SPECC1L: variants seen among roughly 807,000 people sequenced by gnomAD.
SPECC1L encodes the protein sperm antigen with calponin homology and coiled-coil domains 1 like.
Under a neutral mutation model 116.8 loss-of-function variants are expected in SPECC1L, and 40 were observed. The observed-to-expected ratio is 0.34, with a 90% CI of 0.27 to 0.45. The LOEUF (loss-of-function observed/expected upper bound fraction) is 0.45. Among genes scored for constraint, SPECC1L ranks in the 20% least tolerant of loss-of-function variants. The probability of loss-of-function intolerance (pLI) is 1.00; values close to 1 mark genes in which losing one functional copy is unlikely to be tolerated. For missense variants in SPECC1L, 1,110 were observed against 1,373.6 expected (o/e 0.81, Z 3.03); for synonymous variants, 504 against 500.6 (o/e 1.01, Z -0.09).
chr22:24,392,660 C>G (rs569790302), intron 14 of SPECC1L, among the ~76,000 whole-genome samples: 2 of 152,288 alleles, frequency 1.3e-5, no homozygotes, highest in Admixed American at 1.3e-4. Flanking sequence ...AAACTAGTTT[C>G]CTTTCTGAAT....
At chr22:24,369,352 T>C in intron 14 of SPECC1L, 32 bp downstream of exon 14, 1 of 1,536,776 alleles carries the variant, frequency 6.5e-7, no homozygotes. Context: ...CCCATGTGAG[T>C]AATTGGCAAA....
intron 12 of SPECC1L, 38 bp downstream of exon 12, chr22:24,363,382 T>G: frequency 1.3e-6 from 2 of 1,553,264 alleles, no homozygotes; most frequent in East Asian, 2.2e-5. Context: ...GTATTTGTTG[T>G]TTTTTAGAGA....
chr22:24,411,804 T>C, intron 15 of SPECC1L, 100 bp downstream of exon 15: 1 of 988,224 alleles, frequency 1.0e-6, no homozygotes, highest in Non-Finnish European at 1.6e-6. Context: ...GCCACAGCGC[T>C]GGCTTGCGAT....
intron 14 of SPECC1L, among the ~76,000 whole-genome samples, chr22:24,396,168 A>T (rs1254008753): frequency 6.6e-6 from 1 of 152,182 alleles, no homozygotes; most frequent in African/African-American, 2.4e-5. Context: ...TTTTTCTTTC[A>T]ATGCTCTAAA....
chr22:24,274,073 G>T (rs913760823), intron 1 of SPECC1L, among the ~76,000 whole-genome samples: 1 of 152,128 alleles, frequency 6.6e-6, no homozygotes, highest in Non-Finnish European at 1.5e-5. Context: ...AGATTTTTTT[G>T]TGTTGTGCCA....
At position 24,417,525 on chromosome 22, in the gene SPECC1L, C is replaced by T. The variant is rs1274095897; in HGVS notation, c.*2902C>T. 6.6e-6 allele frequency: 1 copy of T among 152,284 alleles called. No individual in the cohort carries two copies. Among genetic ancestry groups the T allele is most frequent in the Non-Finnish European group, 1.5e-5 (1 of 68,124 alleles). 9.4% of individuals were successfully genotyped at this position (152,284 alleles called of 1,614,324 possible). ...AGGGTTCTGTGACAGATGCCAAGAC[C>T]CCAGAGACCGTGGCAGAGCTACCCC... On this transcript the variant is annotated 3_prime_UTR_variant, in exon 17 of 17. Coordinates refer to ENST00000314328, the MANE Select transcript of SPECC1L (RefSeq NM_015330.6).
chr22:24,309,708 A>G (rs137912974), intron 3 of SPECC1L, among the ~76,000 whole-genome samples: 10 of 152,290 alleles, frequency 6.6e-5, no homozygotes, highest in Middle Eastern at 3.4e-3. Context: ...CTGAAGTTCA[A>G]TATTTGCATA....
chr22:24,306,306 CA>C (rs2049495915), intron 3 of SPECC1L, among the ~76,000 whole-genome samples: 2 of 151,450 alleles, frequency 1.3e-5, no homozygotes, highest in African/African-American at 4.8e-5. Context: ...TTTTTTTTTC[CA>C]AACTTTTTTT....
chr22:24,338,271 C>A, intron 9 of SPECC1L, 115 bp from the exon 10 acceptor site: 1 of 982,934 alleles, frequency 1.0e-6, no homozygotes, highest in Non-Finnish European at 1.6e-6. Flanking sequence ...TCAGCCAAGA[C>A]AGTGTCCAGC....
At chr22:24,348,960 G>A (rs1452644893) in intron 11 of SPECC1L, among the ~76,000 whole-genome samples, 1 of 152,062 alleles carries the variant, frequency 6.6e-6, no homozygotes, top group Admixed American at 6.6e-5. Flanking sequence ...CATTCTTTTT[G>A]GTTTCCCTAA....
At chr22:24,413,219 A>G (rs572984694) in intron 16 of SPECC1L, among the ~76,000 whole-genome samples, 1 of 152,170 alleles carries the variant, frequency 6.6e-6, no homozygotes. Flanking sequence ...CGCCACTCAC[A>G]GGACAGAAGT....
At position 24,313,437 on chromosome 22, in the gene SPECC1L, C is replaced by A. The variant is rs1468808213; in HGVS notation, c.278C>A (p.Thr93Asn). 6.2e-7 allele frequency: 1 copy of A among 1,614,148 alleles called. No homozygotes were observed. Among genetic ancestry groups the A allele is most frequent in the Admixed American group, 1.7e-5 (1 of 60,022 alleles). Reference protein sequence around the residue: ...APSASAPAMTTVENKSKISTG... With the variant: ...APSASAPAMTNVENKSKISTG... ...TCAGCATCTGCCCCTGCCATGACCA[C>A]CGTGGAGAACAAATCCAAGATTAGC... The change falls in exon 4 of 17, where the codon ACC becomes AAC. Residue 93 changes from threonine (T) to asparagine (N), a missense_variant. Physicochemically the swap from Thr to Asn is moderately conservative, Grantham distance 65. Transcript: ENST00000314328.
At chr22:24,336,765 A>G (rs976610911) in intron 9 of SPECC1L, among the ~76,000 whole-genome samples, 2 of 152,174 alleles carry the variant, frequency 1.3e-5, no homozygotes, top group Non-Finnish European at 2.9e-5. Flanking sequence ...TGACCCAGCA[A>G]TTCTACTCCT....
intron 1 of SPECC1L, among the ~76,000 whole-genome samples, chr22:24,274,730 A>G (rs1272738179): frequency 1.3e-5 from 2 of 152,216 alleles, no homozygotes; most frequent in Non-Finnish European, 2.9e-5. Flanking sequence ...TAATCTGTTC[A>G]CAATCACTTT....
intron 2 of SPECC1L, among the ~76,000 whole-genome samples, chr22:24,295,368 A>G (rs2049239472): frequency 1.3e-5 from 2 of 150,028 alleles, no homozygotes; most frequent in Non-Finnish European, 1.5e-5. Context: ...TCAATAATTT[A>G]TTTTAGACTC....
intron 1 of SPECC1L, among the ~76,000 whole-genome samples, chr22:24,275,855 C>T (rs1489669719): frequency 6.6e-5 from 10 of 152,084 alleles, no homozygotes; most frequent in East Asian, 1.9e-4. Flanking sequence ...ACTGCAGGCC[C>T]GCACCAGCAC....
At chr22:24,342,292 A>G (rs2041192626) in intron 10 of SPECC1L, among the ~76,000 whole-genome samples, 1 of 152,212 alleles carries the variant, frequency 6.6e-6, no homozygotes, top group African/African-American at 2.4e-5. Context: ...TGATAGGATT[A>G]GCATGCAGCA....
rs191220065 is a variant in SPECC1L at position 24,279,480 on chromosome 22, C to T, written c.-38+2677C>T. Among the ~76,000 whole-genome samples, 380 of 152,314 alleles carry T rather than the reference C, an allele frequency of 2.5e-3. 1 individual carries two copies. The highest frequency in any genetic ancestry group is 4.2e-3 in the Non-Finnish European group (287 of 68,032). On this transcript the variant is annotated intron_variant, in intron 2 of 16. Coordinates refer to ENST00000314328, the MANE Select transcript of SPECC1L (RefSeq NM_015330.6). ...CTGGGCTCAAGTGATCCCCTTGCCT[C>T]GGCCTCCCAAATACTGGGATTACAG...
At chr22:24,399,494 T>C (rs534375776) in intron 14 of SPECC1L, among the ~76,000 whole-genome samples, 1 of 152,062 alleles carries the variant, frequency 6.6e-6, no homozygotes, top group African/African-American at 2.4e-5. Context: ...GGTGTGAACC[T>C]GGGAGGCGGA....
Sources: allele counts gnomAD v4.1 joint callset (sites outside exome capture counted in the v4.1 genomes callset), GRCh38; gene constraint gnomAD v4.1.1; transcripts MANE v1.5; gene names NCBI Gene and HGNC (gene_info 2026-07-23, HGNC 2026-07-21).